The following PLD1 variants were observed in gnomAD, a reference collection of about 807,000 sequenced individuals.
The protein encoded by PLD1 is phospholipase D1.
Under a neutral mutation model 137.1 loss-of-function variants are expected in PLD1, and 112 were observed. The ratio of observed to expected loss-of-function variants is 0.82; its 90% CI spans 0.70 to 0.96. PLD1 has a LOEUF of 0.96. PLD1 is among the 40% of genes least tolerant of loss of function. The pLI, the probability that PLD1 is intolerant of heterozygous loss-of-function variation, is 0.00. For synonymous variants in PLD1, 431 were observed against 454.7 expected (o/e 0.95, Z 0.66); for missense variants, 1,321 against 1,342.0 (o/e 0.98, Z 0.24).
In PLD1 at chr3:171,709,639, G is replaced by C. The variant is rs759554929; in HGVS notation, c.982C>G (p.Gln328Glu). ...TTGAGAAAGTTGGTGCCATGTTTCT[G>C]GATGAATTCTTCTATAGCCCCTCCC... ...WWGGAIEEFIQKHGTNFLKDH... is the reference protein window; with the variant it reads ...WWGGAIEEFIEKHGTNFLKDH... Residue 328 changes from glutamine to glutamate, a missense_variant, in exon 10 of 27, where the codon CAG (glutamine) becomes GAG (glutamate). Transcript: ENST00000351298. 1 of 1,613,708 alleles carries C rather than the reference G, an allele frequency of 6.2e-7. No homozygotes were observed. Among genetic ancestry groups the C allele is most frequent in the South Asian group, 1.1e-5 (1 of 91,072 alleles).
chr3:171,702,929 T>TAA (rs1716369275), intron 11 of PLD1, among the ~76,000 whole-genome samples: 1 of 152,078 alleles, frequency 6.6e-6, no homozygotes. Context: ...GCAAGAAAAC[T>TAA]AAAGAACATC....
At chr3:171,725,798 T>C (rs1468287886) in intron 7 of PLD1, among the ~76,000 whole-genome samples, 1 of 152,242 alleles carries the variant, frequency 6.6e-6, no homozygotes, top group Non-Finnish European at 1.5e-5. Flanking sequence ...GAATCTGTGC[T>C]GTAAGCACGT....
chr3:171,797,716 A>G (rs1723487543), intron 1 of PLD1, among the ~76,000 whole-genome samples: 1 of 152,246 alleles, frequency 6.6e-6, no homozygotes, highest in African/African-American at 2.4e-5. Flanking sequence ...AAATATATGC[A>G]AATATCCTAA....
At chr3:171,804,914 A>C (rs1414373725) in intron 1 of PLD1, among the ~76,000 whole-genome samples, 3 of 152,208 alleles carry the variant, frequency 2.0e-5, no homozygotes. Flanking sequence ...GCCCTCTGCC[A>C]ATGCCTCGTC....
intron 8 of PLD1, 111 bp downstream of exon 8, chr3:171,724,585 T>A: frequency 1.5e-6 from 1 of 651,558 alleles, no homozygotes; most frequent in South Asian, 1.8e-5. Flanking sequence ...AATTAAAAAT[T>A]TGTTCTGCCA....
chr3:171,658,525 C>T (rs927586626), intron 21 of PLD1, among the ~76,000 whole-genome samples: 4 of 152,082 alleles, frequency 2.6e-5, no homozygotes, highest in Admixed American at 1.3e-4. Flanking sequence ...GCTTCAAGAA[C>T]ATTATGCTAA....
chr3:171,696,714 C>T (rs575452518), intron 12 of PLD1, among the ~76,000 whole-genome samples: 18 of 151,776 alleles, frequency 1.2e-4, no homozygotes, highest in East Asian at 9.7e-4. Context: ...TGGAGTGATC[C>T]GAGTGTTAAA....
chr3:171,637,935 C>T (rs1426951899), intron 23 of PLD1, among the ~76,000 whole-genome samples: 2 of 152,064 alleles, frequency 1.3e-5, no homozygotes, highest in African/African-American at 4.8e-5. Flanking sequence ...AATCCCAGCA[C>T]TTTGGGAGGC....
At chr3:171,605,679 TATA>T (rs1210255919) in intron 25 of PLD1, among the ~76,000 whole-genome samples, 1 of 152,172 alleles carries the variant, frequency 6.6e-6, no homozygotes, top group Non-Finnish European at 1.5e-5. Context: ...ATTTGAAAAT[TATA>T]ATAACCCTTG....
chr3:171,651,950 T>C (rs1467589643), intron 21 of PLD1, among the ~76,000 whole-genome samples: 6 of 152,182 alleles, frequency 3.9e-5, no homozygotes, highest in Non-Finnish European at 8.8e-5. Context: ...TACCATTTTA[T>C]ACAATTTTTA....
At chr3:171,737,257 T>C (rs1270425153) in intron 3 of PLD1, among the ~76,000 whole-genome samples, 2 of 152,368 alleles carry the variant, frequency 1.3e-5, no homozygotes, top group East Asian at 3.9e-4. Context: ...GAGAGGCACT[T>C]TGCAATTTAT....
At chr3:171,753,977 T>C (rs1333255821) in intron 1 of PLD1, among the ~76,000 whole-genome samples, 1 of 152,214 alleles carries the variant, frequency 6.6e-6, no homozygotes, top group Non-Finnish European at 1.5e-5. Context: ...CAACCCCATC[T>C]TTGCCTGATT....
chr3:171,624,091 G>A (rs1317803815), intron 23 of PLD1, among the ~76,000 whole-genome samples: 1 of 150,976 alleles, frequency 6.6e-6, no homozygotes, highest in East Asian at 1.9e-4. Flanking sequence ...AAAACAAAAG[G>A]CAGAAGACAA....
At chr3:171,745,264 T>G (rs1415357088) in intron 1 of PLD1, among the ~76,000 whole-genome samples, 1 of 152,202 alleles carries the variant, frequency 6.6e-6, no homozygotes, top group African/African-American at 2.4e-5. Flanking sequence ...ATTTCCTGAG[T>G]GCCTGTACTG....
intron 6 of PLD1, among the ~76,000 whole-genome samples, chr3:171,731,320 A>G (rs1415684165): frequency 3.9e-5 from 6 of 152,228 alleles, no homozygotes; most frequent in Admixed American, 2.6e-4. Flanking sequence ...TGTAAATTCC[A>G]ATCTCATTTC....
At chr3:171,696,907 G>A (rs1383915247) in intron 12 of PLD1, among the ~76,000 whole-genome samples, 1 of 152,218 alleles carries the variant, frequency 6.6e-6, no homozygotes, top group African/African-American at 2.4e-5. Flanking sequence ...ATGAAGCACT[G>A]TTATCAGGCA....
chr3:171,678,931 C>T (rs991196826), intron 16 of PLD1, among the ~76,000 whole-genome samples: 8 of 152,114 alleles, frequency 5.3e-5, no homozygotes, highest in African/African-American at 1.9e-4. Flanking sequence ...ATGCTCCTTT[C>T]TCCCTCTTGG....
chr3:171,648,786 C>T (rs994439047), intron 21 of PLD1, among the ~76,000 whole-genome samples: 1 of 152,156 alleles, frequency 6.6e-6, no homozygotes, highest in African/African-American at 2.4e-5. Flanking sequence ...GATATCCTGA[C>T]CTCGTGATCC....
At chr3:171,703,616 T>C (rs534150472) in intron 11 of PLD1, among the ~76,000 whole-genome samples, 2 of 152,108 alleles carry the variant, frequency 1.3e-5, no homozygotes, top group Non-Finnish European at 2.9e-5. Context: ...TAACAAAATA[T>C]GTAAAGACCT....
Sources: allele counts gnomAD v4.1 joint callset (sites outside exome capture counted in the v4.1 genomes callset), GRCh38; gene constraint gnomAD v4.1.1; transcripts MANE v1.5; gene names NCBI Gene and HGNC (gene_info 2026-07-23, HGNC 2026-07-21).